The following ZNF385D variants were observed in gnomAD, a reference collection of about 807,000 sequenced individuals.
The protein encoded by ZNF385D is zinc finger protein 385D, also known as zinc finger protein 659.
In ZNF385D, 15 loss-of-function variants were observed where a neutral mutation model predicts 35.8. The ratio of observed to expected loss-of-function variants is 0.42; its 90% CI spans 0.28 to 0.64. The LOEUF (loss-of-function observed/expected upper bound fraction) is 0.64, where lower values mean the gene tolerates loss of function less well. ZNF385D is among the 30% of genes least tolerant of loss of function. The pLI, the probability that ZNF385D is intolerant of heterozygous loss-of-function variation, is 0.23. For missense variants in ZNF385D, 474 were observed against 494.6 expected (o/e 0.96, Z 0.39); for synonymous variants, 212 against 186.8 (o/e 1.13, Z -1.10).
intron 2 of ZNF385D, among the ~76,000 whole-genome samples, chr3:21,653,649 C>G (rs922631877): frequency 3.3e-5 from 5 of 151,894 alleles, no homozygotes; most frequent in African/African-American, 1.2e-4. Context: ...CCAAACAAGG[C>G]TCTTAAAACC....
chr3:21,868,938 C>T (rs1468130531), intron 3 of ZNF385D, among the ~76,000 whole-genome samples: 1 of 151,976 alleles, frequency 6.6e-6, no homozygotes, highest in Non-Finnish European at 1.5e-5. Flanking sequence ...ATTTTATGCT[C>T]TCTCATATTC....
chr3:22,187,832 G>T (rs372226398), intron 2 of ZNF385D, among the ~76,000 whole-genome samples: 22 of 152,248 alleles, frequency 1.4e-4, no homozygotes, highest in Middle Eastern at 6.8e-3. Context: ...GGATGCAGTT[G>T]GACACTGAGA....
intron 3 of ZNF385D, among the ~76,000 whole-genome samples, chr3:21,908,162 CT>C (rs1437056092): frequency 6.7e-6 from 1 of 149,356 alleles, no homozygotes; most frequent in Non-Finnish European, 1.5e-5. Context: ...ATCTATCTAT[CT>C]ATCTATCTAT....
chr3:22,174,035 C>T (rs1438874407), intron 2 of ZNF385D, among the ~76,000 whole-genome samples: 1 of 151,326 alleles, frequency 6.6e-6, no homozygotes, highest in African/African-American at 2.4e-5. Flanking sequence ...AACACACACA[C>T]ACACACACAC....
rs189556967 is a variant in ZNF385D at position 22,333,079 on chromosome 3, T to C, written c.106+39371A>G. Among the ~76,000 whole-genome samples, 30 of 152,260 alleles carry C rather than the reference T, an allele frequency of 2.0e-4. 1 individual carries two copies. The East Asian group carries it at 4.6e-3, about 24-fold the overall frequency. On this transcript the variant is annotated intron_variant, in intron 2 of 5. Transcript: ENST00000494108. ...TCCTGAATATTATTTTTGTTGGACA[T>C]GGAATTCTAGCTTGGCAGTCCTTTT...
chr3:21,655,490 C>T lies in ZNF385D; in HGVS notation c.165+9396G>A, dbSNP rs541781503. Among the ~76,000 whole-genome samples the T allele has an allele frequency of 1.1e-4, 17 of 151,972 alleles. 1 individual carries two copies. The highest frequency in any genetic ancestry group is 4.1e-4 in the African/African-American group (17 of 41,494). ...TATTTATTCCCCTGACAATGATTGC[C>T]ATATACAGCAAAAATACGTGTGCTG... On this transcript the variant is annotated intron_variant, in intron 2 of 7. Transcript: ENST00000281523.
At chr3:22,009,702 T>G (rs1189477772) in intron 3 of ZNF385D, among the ~76,000 whole-genome samples, 1 of 151,378 alleles carries the variant, frequency 6.6e-6, no homozygotes, top group East Asian at 1.9e-4. Context: ...ATTTAGAAAA[T>G]TTAAAATATG....
rs1205602102 is a variant in ZNF385D at position 21,539,532 on chromosome 3, A to T, written c.276+25042T>A. On this transcript the variant is annotated intron_variant, in intron 3 of 7. Coordinates refer to ENST00000281523, the MANE Select transcript of ZNF385D (RefSeq NM_024697.3). This position sits in a 1 kb window ranked among gnomAD's most constrained non-coding sequence, Gnocchi z 4.0. ...TAAATCCACATTATTCAGTAATTTC[A>T]TATGTTAGTTTGTTTTCTTTATGCT... 6.6e-6 allele frequency among the ~76,000 whole-genome samples: 1 copy of T among 152,168 alleles called. No individual in the cohort carries two copies. The highest frequency in any genetic ancestry group is 1.5e-5 in the Non-Finnish European group (1 of 68,006).
chr3:21,492,365 G>A (rs1213857085), intron 4 of ZNF385D, among the ~76,000 whole-genome samples: 5 of 150,862 alleles, frequency 3.3e-5, no homozygotes, highest in Non-Finnish European at 7.4e-5. Flanking sequence ...TTTGCTTTAC[G>A]GATTCTAAAT....
At chr3:22,171,140 G>A (rs550736373) in intron 2 of ZNF385D, among the ~76,000 whole-genome samples, 1 of 152,058 alleles carries the variant, frequency 6.6e-6, no homozygotes, top group East Asian at 1.9e-4. Context: ...AAATTTCAAA[G>A]AAATAAGCCA....
In ZNF385D at chr3:21,676,064, C is replaced by T. The variant is rs563919028; in HGVS notation, c.23-11036G>A. On this transcript the variant is annotated intron_variant, in intron 1 of 7. Transcript: ENST00000281523. Reference sequence around the variant, plus strand: ...CCATGGCACAAAATTCCTAGGAAACCTAACTGTTGTTGGCATGTCACTGTC... The same window carrying T: ...CCATGGCACAAAATTCCTAGGAAACTTAACTGTTGTTGGCATGTCACTGTC... 4.6e-5 allele frequency among the ~76,000 whole-genome samples: 7 copies of T among 152,136 alleles called. 1 individual carries two copies. In the South Asian group the frequency reaches 1.5e-3, roughly 32 times the overall value.
chr3:21,753,935 T>G (rs59687360), upstream of ZNF385D, among the ~76,000 whole-genome samples: 15,509 of 152,162 alleles, frequency 0.1, 844 homozygotes, highest in South Asian at 0.17. Flanking sequence ...AATCATTGGG[T>G]ATTTGTTTTT....
intron 4 of ZNF385D, among the ~76,000 whole-genome samples, chr3:21,441,455 A>C (rs1050768595): frequency 6.6e-6 from 1 of 152,140 alleles, no homozygotes; most frequent in Non-Finnish European, 1.5e-5. Flanking sequence ...TGTGCTCTTC[A>C]TTTGTTTTTT....
In ZNF385D at chr3:21,465,461, C is replaced by T. The variant is rs1343357284; in HGVS notation, c.440-28258G>A. On this transcript the variant is annotated intron_variant, in intron 4 of 7. Transcript: ENST00000281523. The surrounding 1 kb of genome is among the most constrained non-coding windows in gnomAD (Gnocchi z 4.2). ...CAAGAGGGCCACAGCCTCTCATCAC[C>T]TGGCCAGAGTAGGTAACATGAGACA... 6.6e-6 allele frequency among the ~76,000 whole-genome samples: 1 copy of T among 152,166 alleles called. No individual in the cohort carries two copies. Among genetic ancestry groups the T allele is most frequent in the African/African-American group, 2.4e-5 (1 of 41,454 alleles).
At chr3:21,850,165 T>A (rs904928152) in intron 3 of ZNF385D, among the ~76,000 whole-genome samples, 19 of 152,150 alleles carry the variant, frequency 1.2e-4, no homozygotes, top group African/African-American at 2.9e-4. Flanking sequence ...ATAATAGATA[T>A]AAAAATGTAT....
chr3:21,690,855 G>A lies in ZNF385D; in HGVS notation c.23-25827C>T, dbSNP rs75726134. 4.2e-3 allele frequency among the ~76,000 whole-genome samples: 642 copies of A among 152,226 alleles called. 4 individuals carry two copies. Among genetic ancestry groups the A allele is most frequent in the African/African-American group, 0.014 (602 of 41,524 alleles). On this transcript the variant is annotated intron_variant, in intron 1 of 7. Coordinates refer to ENST00000281523, the MANE Select transcript of ZNF385D (RefSeq NM_024697.3). ...GATGCACATTAAAGTTTGGGACCAC[G>A]CTGCATGTCATCATTCATATCCACT...
At chr3:21,483,241 T>C (rs1323397132) in intron 4 of ZNF385D, among the ~76,000 whole-genome samples, 3 of 152,196 alleles carry the variant, frequency 2.0e-5, no homozygotes, top group Admixed American at 1.3e-4. Context: ...TAGTAAAAGA[T>C]GGATCACTTT....
At chr3:21,608,009 C>CTTTTTTTTTTTTTTTTTTTTTTTT (rs2064535526) in intron 2 of ZNF385D, among the ~76,000 whole-genome samples, 1 of 83,110 alleles carries the variant, frequency 1.2e-5, no homozygotes, top group African/African-American at 4.3e-5. Context: ...AATTCTTTTT[C>CTTTTTTTTTTTTTTTTTTTTTTTT]TTCTTTTTTT....
At chr3:21,726,462 T>C (rs2068770356) in intron 1 of ZNF385D, among the ~76,000 whole-genome samples, 1 of 152,156 alleles carries the variant, frequency 6.6e-6, no homozygotes, top group Non-Finnish European at 1.5e-5. Context: ...CTTAAGCAGA[T>C]AAACAACTTC....
Sources: gnomAD v4.1 joint callset for allele counts (sites outside exome capture counted in the v4.1 genomes callset) on GRCh38, gnomAD v4.1.1 for gene constraint, Gnocchi (gnomAD v3.1) non-coding constraint, MANE v1.5 for transcripts, NCBI Gene and HGNC (gene_info 2026-07-23, HGNC 2026-07-21) for gene names.